Variants in MTSS1 observed in about 807,000 individuals in gnomAD.
MTSS1 encodes protein MTSS 1.
A neutral mutation model predicts 79.0 loss-of-function variants in MTSS1; 18 were observed. The ratio of observed to expected loss-of-function variants is 0.23; its 90% CI spans 0.16 to 0.34. The LOEUF is 0.34. MTSS1 is among the 10% of genes least tolerant of loss of function. The pLI, the probability that MTSS1 is intolerant of heterozygous loss-of-function variation, is 1.00. For synonymous variants in MTSS1, 341 were observed against 368.6 expected, an observed-to-expected ratio of 0.93 and a Z score of 0.86; for missense variants, 815 against 986.2, an observed-to-expected ratio of 0.83 and a Z score of 2.33.
At chr8:124,712,733 C>T (rs2135621845) in intron 1 of MTSS1, among the ~76,000 whole-genome samples, 1 of 152,242 alleles carries the variant, frequency 6.6e-6, no homozygotes, top group Non-Finnish European at 1.5e-5. Flanking sequence ...GTTGCTTCCT[C>T]GCCCGCCCAC....
chr8:124,634,268 C>T (rs1284125269), intron 3 of MTSS1, among the ~76,000 whole-genome samples: 1 of 145,594 alleles, frequency 6.9e-6, no homozygotes, highest in East Asian at 2.0e-4. Flanking sequence ...CACCATCATA[C>T]CTGGCTAGTT....
intron 1 of MTSS1, among the ~76,000 whole-genome samples, chr8:124,712,938 G>A (rs527418579): frequency 6.2e-4 from 94 of 152,012 alleles, no homozygotes; most frequent in Non-Finnish European, 1.1e-3. Flanking sequence ...TTGGATGCCC[G>A]GGCTGTTTTC....
chr8:124,715,080 G>A (rs947896311), intron 1 of MTSS1, among the ~76,000 whole-genome samples: 5 of 152,150 alleles, frequency 3.3e-5, no homozygotes, highest in African/African-American at 9.7e-5. Flanking sequence ...CCTTCTAAGC[G>A]TGACTTCACG....
chr8:124,601,010 T>C (rs1368625779), intron 3 of MTSS1, among the ~76,000 whole-genome samples: 2 of 151,738 alleles, frequency 1.3e-5, no homozygotes, highest in Admixed American at 6.6e-5. Context: ...CCGTTGCCCT[T>C]GGCTGAACAG....
At chr8:124,699,106 G>A (rs962716430) in intron 3 of MTSS1, 6 of 179,598 alleles carry the variant, frequency 3.3e-5, no homozygotes, top group African/African-American at 1.2e-4. Flanking sequence ...TTTTAAAAGG[G>A]TTCTTCATTT....
chr8:124,697,639 C>T (rs1446997970), intron 3 of MTSS1, among the ~76,000 whole-genome samples: 4 of 151,920 alleles, frequency 2.6e-5, no homozygotes, highest in Non-Finnish European at 4.4e-5. Flanking sequence ...ATATGGCTGC[C>T]AAGTCCAGTT....
At chr8:124,659,100 G>A (rs1191130902) in intron 3 of MTSS1, among the ~76,000 whole-genome samples, 1 of 152,118 alleles carries the variant, frequency 6.6e-6, no homozygotes, top group African/African-American at 2.4e-5. Context: ...ACTGAACTCA[G>A]TAAGCAATTC....
chr8:124,704,292 T>C, intron 1 of MTSS1, 101 bp from the exon 2 acceptor site: 1 of 1,011,280 alleles, frequency 9.9e-7, no homozygotes, highest in Admixed American at 1.7e-5. Flanking sequence ...ACAATCTGTG[T>C]ATGTTCTCTT....
chr8:124,721,794 A>C (rs979710026), intron 1 of MTSS1, among the ~76,000 whole-genome samples: 1 of 152,150 alleles, frequency 6.6e-6, no homozygotes, highest in South Asian at 2.1e-4. Flanking sequence ...TAATGCCATG[A>C]ATGTACCCCA....
chr8:124,555,874 G>T lies in MTSS1; in HGVS notation c.1435C>A (p.Leu479Met). 6.2e-7 allele frequency: 1 copy of T among 1,610,628 alleles called. No individual in the cohort carries two copies. Residue 479 changes from leucine to methionine, a missense_variant, in exon 13 of 14, where the codon CTG becomes ATG. This residue lies in a region of MTSS1 where 590 missense variants were observed against 620.8 expected (regional missense o/e 0.95). Coordinates refer to ENST00000518547, the MANE Select transcript of MTSS1 (RefSeq NM_014751.6). Reference sequence around the variant, plus strand: ...AGGCCCCGAGACAGGGCCAGGGCCAGCTCCTCACAAGCCTCCATCTCCTCA... The same window carrying T: ...AGGCCCCGAGACAGGGCCAGGGCCATCTCCTCACAAGCCTCCATCTCCTCA... The part of the protein sequence containing the change: ...PGEEMEACEE[L>M]ALALSRGLQL...
At position 124,727,109 on chromosome 8, in the gene MTSS1, C is replaced by T. The variant is rs998289419; in HGVS notation, c.72+775G>A. Among the ~76,000 whole-genome samples, 1 of 151,938 alleles carries T rather than the reference C, an allele frequency of 6.6e-6. No individual in the cohort carries two copies. The highest frequency in any genetic ancestry group is 6.5e-5 in the Admixed American group (1 of 15,274). ...ACGCGCGCGCGCGCACACACACATGCACGCGCGCACACACACACCATCTTC... is the reference window on the plus strand; with the variant it reads ...ACGCGCGCGCGCGCACACACACATGTACGCGCGCACACACACACCATCTTC... On this transcript the variant is annotated intron_variant, in intron 1 of 13. Transcript: ENST00000518547. This position sits in a 1 kb window ranked among gnomAD's most constrained non-coding sequence, Gnocchi z 4.7.
chr8:124,581,946 C>T (rs185295210), intron 6 of MTSS1, among the ~76,000 whole-genome samples: 235 of 152,286 alleles, frequency 1.5e-3, no homozygotes, highest in African/African-American at 4.1e-3. Context: ...AGCTGATTAT[C>T]ATGGAGCAGG....
At chr8:124,696,579 G>A (rs1828858321) in intron 3 of MTSS1, among the ~76,000 whole-genome samples, 1 of 152,178 alleles carries the variant, frequency 6.6e-6, no homozygotes, top group Non-Finnish European at 1.5e-5. Flanking sequence ...GCAGCCAGAT[G>A]CGGTGGCTCC....
Position 124,575,536 on chromosome 8 carries a change from T to C in MTSS1, c.461-7000A>G, listed in dbSNP as rs184859026. Among the ~76,000 whole-genome samples, 8 of 152,108 alleles carry C rather than the reference T, an allele frequency of 5.3e-5. No individual in the cohort carries two copies. In the East Asian group the frequency reaches 9.7e-4, roughly 18 times the overall value. Reference sequence around the variant, plus strand: ...CTGAAGTTGTCCTTCTGACACTGGGTAGTTTAGCAGGTGATAGTATGCAGG... The same window carrying C: ...CTGAAGTTGTCCTTCTGACACTGGGCAGTTTAGCAGGTGATAGTATGCAGG... On this transcript the variant is annotated intron_variant, in intron 6 of 13. Coordinates refer to ENST00000518547, the MANE Select transcript of MTSS1 (RefSeq NM_014751.6).
At chr8:124,660,622 A>G (rs867093573) in intron 3 of MTSS1, among the ~76,000 whole-genome samples, 1 of 152,176 alleles carries the variant, frequency 6.6e-6, no homozygotes, top group Non-Finnish European at 1.5e-5. Context: ...TGGGGCTGAG[A>G]TGCCTCCCAC....
At chr8:124,682,119 T>C (rs1394464068) in intron 3 of MTSS1, among the ~76,000 whole-genome samples, 1 of 152,248 alleles carries the variant, frequency 6.6e-6, no homozygotes, top group Non-Finnish European at 1.5e-5. Flanking sequence ...TCAAAGGTTC[T>C]TAAACAGCAG....
intron 2 of MTSS1, among the ~76,000 whole-genome samples, chr8:124,703,139 C>G (rs1829934650): frequency 6.6e-6 from 1 of 152,118 alleles, no homozygotes; most frequent in African/African-American, 2.4e-5. Flanking sequence ...TTTCCACCAC[C>G]CCAAAAGATC....
At chr8:124,665,979 T>A (rs1287240317) in intron 3 of MTSS1, among the ~76,000 whole-genome samples, 1 of 152,156 alleles carries the variant, frequency 6.6e-6, no homozygotes, top group Non-Finnish European at 1.5e-5. Flanking sequence ...CTAGCTGTGG[T>A]CTCCATTGTT....
chr8:124,621,919 T>C (rs191774371), intron 3 of MTSS1, among the ~76,000 whole-genome samples: 1 of 152,222 alleles, frequency 6.6e-6, no homozygotes, highest in East Asian at 1.9e-4. Context: ...GAAAGTGGGT[T>C]CTGGGCACTT....
Sources: allele counts gnomAD v4.1 joint callset (sites outside exome capture counted in the v4.1 genomes callset), GRCh38; gene constraint gnomAD v4.1.1; regional missense constraint gnomAD v4.1.1; non-coding constraint Gnocchi (gnomAD v3.1); transcripts MANE v1.5; gene names NCBI Gene and HGNC (gene_info 2026-07-23, HGNC 2026-07-21).